TUSC3: variants seen among roughly 807,000 people sequenced by gnomAD.
TUSC3 encodes tumor suppressor candidate 3.
In TUSC3, 45 loss-of-function variants were observed where a neutral mutation model predicts 44.8. The observed-to-expected ratio is 1.00, with a 90% confidence interval of 0.79 to 1.29. TUSC3 has a LOEUF of 1.29. Among genes scored for constraint, TUSC3 ranks in the 50% most tolerant of loss-of-function variants. The probability of loss-of-function intolerance (pLI) is 0.00; values close to 1 mark genes in which losing one functional copy is unlikely to be tolerated. For missense variants in TUSC3, 519 were observed against 437.9 expected (o/e 1.19, Z -1.65); for synonymous variants, 212 against 152.9 (o/e 1.39, Z -2.85).
chr8:15,627,223 G>C (rs1316252307), intron 2 of TUSC3, among the ~76,000 whole-genome samples: 1 of 152,188 alleles, frequency 6.6e-6, no homozygotes, highest in Admixed American at 6.5e-5. Context: ...ACCAGATGCA[G>C]AGAGGTGCTG....
intron 2 of TUSC3, among the ~76,000 whole-genome samples, chr8:15,645,188 T>A (rs1026897516): frequency 6.6e-6 from 1 of 152,170 alleles, no homozygotes; most frequent in Non-Finnish European, 1.5e-5. Flanking sequence ...TTGCATAATC[T>A]ACTTACTTCA....
At chr8:15,849,575 C>T in the TUSC3 span, among the ~76,000 whole-genome samples, 2 of 152,126 alleles carry the variant, frequency 1.3e-5, no homozygotes, top group African/African-American at 4.8e-5. Context: ...ACAATCTCCC[C>T]TGCAACAAAG....
downstream of TUSC3, among the ~76,000 whole-genome samples, chr8:15,770,167 T>A (rs1039391811): frequency 6.6e-6 from 1 of 152,106 alleles, no homozygotes; most frequent in African/African-American, 2.4e-5. Flanking sequence ...AACCCAAATG[T>A]CCATCAATGA....
chr8:15,713,172 C>A (rs1809925585), intron 6 of TUSC3, among the ~76,000 whole-genome samples: 1 of 152,046 alleles, frequency 6.6e-6, no homozygotes. Flanking sequence ...ACATAAAAGC[C>A]TCCCTTTCAT....
the TUSC3 span, chr8:15,807,010 G>A: frequency 1.4e-6 from 2 of 1,447,124 alleles, no homozygotes; most frequent in Non-Finnish European, 9.7e-7. Flanking sequence ...TTCCAAAGAA[G>A]GTGCTCCTGC....
intron 10 of TUSC3, among the ~76,000 whole-genome samples, chr8:15,762,072 T>C (rs1325951491): frequency 6.6e-6 from 1 of 151,786 alleles, no homozygotes; most frequent in Non-Finnish European, 1.5e-5. Context: ...ATTTATATAA[T>C]GAAAATAAAA....
intron 2 of TUSC3, among the ~76,000 whole-genome samples, chr8:15,526,200 T>C (rs973711042): frequency 7.9e-5 from 12 of 152,074 alleles, no homozygotes; most frequent in Admixed American, 7.2e-4. Flanking sequence ...GGCCGGCTAA[T>C]TTTTTGTATT....
At chr8:15,615,615 A>G (rs1804953890) in intron 1 of TUSC3, among the ~76,000 whole-genome samples, 1 of 152,144 alleles carries the variant, frequency 6.6e-6, no homozygotes, top group South Asian at 2.1e-4. Flanking sequence ...AGAAGAGAGG[A>G]TTTCAGATGT....
Position 15,673,767 on chromosome 8 carries a change from T to C in TUSC3, c.729T>C (p.Thr243=). Residue 243 remains threonine (T), a synonymous_variant, in exon 6 of 11, where the codon ACT becomes ACC. Coordinates refer to ENST00000503731, the MANE Select transcript of TUSC3 (RefSeq NM_006765.4). ...MVSLCIVFAM[T]SGQMWNHIRG... ...TTCAGTGTATAGTCTTTGCTATGAC[T>C]TCTGGCCAGATGTGGAACCATATCC... The C allele has an allele frequency of 6.2e-7, 1 of 1,612,858 alleles. No individual in the cohort carries two copies. Among genetic ancestry groups the C allele is most frequent in the Non-Finnish European group, 8.5e-7 (1 of 1,179,118 alleles).
At chr8:15,528,611 C>G (rs572671107) in intron 2 of TUSC3, among the ~76,000 whole-genome samples, 1 of 152,328 alleles carries the variant, frequency 6.6e-6, no homozygotes, top group Non-Finnish European at 1.5e-5. Context: ...CACCTGGCTT[C>G]ACGGCTACCT....
chr8:15,568,390 T>C (rs1403012563), intron 1 of TUSC3, among the ~76,000 whole-genome samples: 1 of 152,134 alleles, frequency 6.6e-6, no homozygotes, highest in Non-Finnish European at 1.5e-5. Context: ...GTACTGACAA[T>C]ACCAGTTAAG....
chr8:15,804,053 G>C, the TUSC3 span, among the ~76,000 whole-genome samples: 4 of 152,186 alleles, frequency 2.6e-5, no homozygotes, highest in African/African-American at 9.6e-5. Context: ...ATAATCCTTT[G>C]GGTATATATT....
At chr8:15,742,080 G>A (rs1226109529) in intron 7 of TUSC3, among the ~76,000 whole-genome samples, 1 of 152,166 alleles carries the variant, frequency 6.6e-6, no homozygotes, top group Non-Finnish European at 1.5e-5. Context: ...CCATACTGAT[G>A]ATACAAAACA....
the TUSC3 span, among the ~76,000 whole-genome samples, chr8:15,813,761 T>G: frequency 6.6e-5 from 10 of 151,526 alleles, no homozygotes; most frequent in South Asian, 2.1e-3. Flanking sequence ...AACCCTCATG[T>G]GAAAGAGGTT....
intron 2 of TUSC3, among the ~76,000 whole-genome samples, chr8:15,498,577 G>C (rs953894190): frequency 1.3e-5 from 2 of 152,148 alleles, no homozygotes; most frequent in Non-Finnish European, 2.9e-5. Flanking sequence ...TTCTAACCTT[G>C]ATTAATTGCA....
chr8:15,467,658 C>T (rs1017642891), intron 1 of TUSC3, among the ~76,000 whole-genome samples: 1 of 152,154 alleles, frequency 6.6e-6, no homozygotes, highest in Non-Finnish European at 1.5e-5. Flanking sequence ...ATGTGGCAAA[C>T]TCCACCAAAA....
intron 2 of TUSC3, among the ~76,000 whole-genome samples, chr8:15,626,454 G>C (rs763099501): frequency 6.6e-6 from 1 of 152,214 alleles, no homozygotes; most frequent in African/African-American, 2.4e-5. Flanking sequence ...CTACCCTGCC[G>C]AGCATGGTTG....
At chr8:15,670,123 G>A (rs996010964) in intron 5 of TUSC3, among the ~76,000 whole-genome samples, 1 of 151,762 alleles carries the variant, frequency 6.6e-6, no homozygotes, top group African/African-American at 2.4e-5. Flanking sequence ...AACTTAAATG[G>A]CAGGTAAACC....
intron 1 of TUSC3, among the ~76,000 whole-genome samples, chr8:15,460,052 C>T (rs1009069094): frequency 6.6e-6 from 1 of 152,100 alleles, no homozygotes; most frequent in African/African-American, 2.4e-5. Context: ...AGTAGATACC[C>T]ATTAGTGGGA....
Sources: allele counts gnomAD v4.1 joint callset (sites outside exome capture counted in the v4.1 genomes callset), GRCh38; gene constraint gnomAD v4.1.1; transcripts MANE v1.5; gene names NCBI Gene and HGNC (gene_info 2026-07-23, HGNC 2026-07-21).